The following ABCB4 variants were observed in gnomAD, a reference collection of about 807,000 sequenced individuals.
ABCB4 encodes the protein phosphatidylcholine translocator ABCB4.
A neutral mutation model predicts 145.7 loss-of-function variants in ABCB4; 76 were observed. The ratio of observed to expected loss-of-function variants is 0.52; its 90% confidence interval spans 0.43 to 0.63. The LOEUF (loss-of-function observed/expected upper bound fraction) is 0.63. Among genes scored for constraint, ABCB4 ranks in the 30% least tolerant of loss-of-function variants. The probability of loss-of-function intolerance (pLI) is 0.00; values close to 1 mark genes in which losing one functional copy is unlikely to be tolerated. For synonymous variants in ABCB4, 517 were observed against 566.8 expected, an observed-to-expected ratio of 0.91 and a Z score of 1.25; for missense variants, 1,234 against 1,553.1, an observed-to-expected ratio of 0.79 and a Z score of 3.45.
At chr7:87,382,580 A>G in the ABCB4 span, 1 of 1,575,346 alleles carries the variant, frequency 6.3e-7, no homozygotes. Flanking sequence ...ACAGTCTTGA[A>G]GTCCAAGGGT....
chr7:87,398,434 A>G (rs957033482), downstream of ABCB4: 8 of 1,446,542 alleles, frequency 5.5e-6, no homozygotes, highest in African/African-American at 8.4e-5. Context: ...TTCATGTATG[A>G]ATATCCAGAT....
intron 23 of ABCB4, among the ~76,000 whole-genome samples, chr7:87,410,450 A>G (rs1272249067): frequency 6.6e-6 from 1 of 152,204 alleles, no homozygotes; most frequent in East Asian, 1.9e-4. Flanking sequence ...TGAACAACCC[A>G]CATGTGGCTG....
At chr7:87,392,943 C>T in the ABCB4 span, 2,131 of 1,613,482 alleles carry the variant, frequency 1.3e-3, 23 homozygotes, top group African/African-American at 0.021. Context: ...TATTGTGCCA[C>T]ACAGCGGAGG....
At chr7:87,401,678 G>T (rs1807792172), downstream of ABCB4, 2 of 258,166 alleles carry the variant, frequency 7.7e-6, no homozygotes, top group Non-Finnish European at 1.5e-5. Flanking sequence ...GAATGATTTA[G>T]AAAATTACCA....
intron 23 of ABCB4, among the ~76,000 whole-genome samples, chr7:87,409,821 G>C (rs1466995435): frequency 6.6e-6 from 1 of 152,154 alleles, no homozygotes; most frequent in East Asian, 1.9e-4. Flanking sequence ...TTCTGATAAA[G>C]CTCTGGCCCT....
chr7:87,465,749 C>T (rs890557475), intron 3 of ABCB4, among the ~76,000 whole-genome samples: 2 of 152,170 alleles, frequency 1.3e-5, no homozygotes, highest in Non-Finnish European at 2.9e-5. Flanking sequence ...CATCAATATT[C>T]GCTGTTCTGC....
the ABCB4 span, chr7:87,381,801 C>T: frequency 1.5e-6 from 1 of 688,118 alleles, no homozygotes; most frequent in African/African-American, 1.8e-5. Context: ...CATTTGAAGA[C>T]TCTATGCTTT....
intron 8 of ABCB4, 85 bp from the exon 9 acceptor site, chr7:87,447,290 G>C (rs961638587): frequency 1.5e-6 from 2 of 1,351,642 alleles, no homozygotes; most frequent in Admixed American, 1.9e-5. Context: ...TATAGTTGGA[G>C]GTTTAAGTAA....
intron 9 of ABCB4, 47 bp downstream of exon 9, chr7:87,446,987 G>A (rs1403020641): frequency 6.6e-7 from 1 of 1,514,106 alleles, no homozygotes; most frequent in African/African-American, 1.4e-5. Flanking sequence ...GGTAGATGGA[G>A]AAATAAGATT....
the ABCB4 span, among the ~76,000 whole-genome samples, chr7:87,388,170 C>T: frequency 6.6e-6 from 1 of 151,992 alleles, no homozygotes; most frequent in Non-Finnish European, 1.5e-5. Context: ...AGATCTTGAC[C>T]CTCATATCCT....
At chr7:87,445,531 A>G (rs1044883420) in intron 9 of ABCB4, among the ~76,000 whole-genome samples, 1 of 152,190 alleles carries the variant, frequency 6.6e-6, no homozygotes, top group Non-Finnish European at 1.5e-5. Flanking sequence ...ATTTCCCTTC[A>G]CAGTATTTTT....
intron 3 of ABCB4, among the ~76,000 whole-genome samples, chr7:87,469,212 TG>T (rs1813178189): frequency 6.6e-6 from 1 of 152,186 alleles, no homozygotes; most frequent in Non-Finnish European, 1.5e-5. Context: ...TAGGTATTGA[TG>T]GGAGGTATCT....
At chr7:87,465,878 T>C (rs1006676732) in intron 3 of ABCB4, among the ~76,000 whole-genome samples, 1 of 152,112 alleles carries the variant, frequency 6.6e-6, no homozygotes, top group Non-Finnish European at 1.5e-5. Flanking sequence ...AGAAAGGACA[T>C]CCACGCCAAA....
At chr7:87,458,771 T>C (rs998974192) in intron 4 of ABCB4, among the ~76,000 whole-genome samples, 2 of 152,140 alleles carry the variant, frequency 1.3e-5, no homozygotes, top group Non-Finnish European at 2.9e-5. Context: ...GTAAGCCTAA[T>C]GAGAAACATG....
chr7:87,402,117 C>G lies in ABCB4; in HGVS notation c.3819G>C (p.Gln1273His). ...AAGTTCATAAGTTCTGTGTCCCAGC[C>G]TGGACACTGACCATTGAAAAATAGA... is the stretch of plus-strand genomic sequence containing the variant. Reference protein sequence around the residue: ...KGIYFSMVSVQAGTQNL With the variant: ...KGIYFSMVSVHAGTQNL The change falls in exon 28 of 28, where the codon CAG (glutamine) becomes CAC (histidine). Residue 1273 changes from glutamine to histidine, a missense_variant. Gln to His is a conservative substitution (Grantham distance 24). Transcript: ENST00000649586. The G allele has an allele frequency of 6.2e-7, 1 of 1,614,092 alleles. No individual in the cohort carries two copies. The highest frequency in any genetic ancestry group is 1.3e-5 in the African/African-American group (1 of 75,046).
At chr7:87,372,307 T>A in the ABCB4 span, among the ~76,000 whole-genome samples, 1 of 152,256 alleles carries the variant, frequency 6.6e-6, no homozygotes. Flanking sequence ...TTGGAAATTG[T>A]CCAATCTTAA....
At chr7:87,406,600 A>C in intron 25 of ABCB4, 106 bp from the exon 26 acceptor site, 1 of 1,238,722 alleles carries the variant, frequency 8.1e-7, no homozygotes, top group Non-Finnish European at 1.1e-6. Context: ...GGGTGTCAGC[A>C]GCTTCAAAAC....
chr7:87,435,506 C>T (rs1379103233), intron 14 of ABCB4, among the ~76,000 whole-genome samples: 1 of 152,188 alleles, frequency 6.6e-6, no homozygotes, highest in Non-Finnish European at 1.5e-5. Flanking sequence ...TTGCCATCTT[C>T]GGATGTTACC....
the ABCB4 span, chr7:87,382,375 G>C: frequency 6.2e-7 from 1 of 1,600,076 alleles, no homozygotes; most frequent in Non-Finnish European, 8.5e-7. Flanking sequence ...TTCTCCTTAG[G>C]TGATTTTTCA....
Sources: allele counts gnomAD v4.1 joint callset (sites outside exome capture counted in the v4.1 genomes callset), GRCh38; gene constraint gnomAD v4.1.1; transcripts MANE v1.5; gene names NCBI Gene and HGNC (gene_info 2026-07-23, HGNC 2026-07-21).